THADA: variants seen among roughly 807,000 people sequenced by gnomAD.
THADA encodes tRNA (32-2'-O)-methyltransferase regulator THADA.
A neutral mutation model predicts 219.8 loss-of-function variants in THADA; 213 were observed. The observed-to-expected ratio is 0.97, with a 90% CI of 0.87 to 1.09. THADA has a LOEUF of 1.09. Ranked by LOEUF, THADA falls within the 50% of genes least tolerant of loss-of-function variation. THADA has a pLI of 0.00. For missense variants in THADA, 2,956 were observed against 2,311.3 expected, an observed-to-expected ratio of 1.28 and a Z score of -5.72; for synonymous variants, 1,018 against 828.9, an observed-to-expected ratio of 1.23 and a Z score of -3.92.
At position 43,581,787 on chromosome 2, in the gene THADA, T is replaced by G. The variant is rs1213012572; in HGVS notation, c.675A>C (p.Gln225His). 2 of 1,612,564 alleles carry G rather than the reference T, an allele frequency of 1.2e-6. No homozygotes were observed. Among genetic ancestry groups the G allele is most frequent in the Middle Eastern group, 1.7e-4 (1 of 6,058 alleles). The change falls in exon 8 of 38, where the codon CAA becomes CAC. Residue 225 changes from glutamine to histidine, a missense_variant. Gln to His is a conservative substitution (Grantham distance 24). Coordinates refer to ENST00000405975, the MANE Select transcript of THADA (RefSeq NM_022065.5). ...LWKTSDSPIW[Q>H]NMCGLLSIFT... The stretch of plus-strand genomic sequence containing the variant: ...AAATACTCAGCAATCCACACATATT[T>G]TGCCATATGGGAGAATCGGAAGTCT...
intron 26 of THADA, among the ~76,000 whole-genome samples, chr2:43,464,833 T>C (rs1476190937): frequency 6.6e-6 from 1 of 152,122 alleles, no homozygotes; most frequent in Non-Finnish European, 1.5e-5. Flanking sequence ...ATTTTCAAAC[T>C]AGAATATTTG....
intron 26 of THADA, among the ~76,000 whole-genome samples, chr2:43,465,123 A>G (rs1033404203): frequency 1.3e-5 from 2 of 152,162 alleles, no homozygotes; most frequent in Non-Finnish European, 2.9e-5. Flanking sequence ...TCTCTACACT[A>G]TGTAAAGCAA....
Position 43,590,807 on chromosome 2 carries a change from C to G in THADA, c.302+17G>C. 6.2e-7 allele frequency: 1 copy of G among 1,602,390 alleles called. No homozygotes were observed. Among genetic ancestry groups the G allele is most frequent in the Non-Finnish European group, 8.5e-7 (1 of 1,175,600 alleles). ...TCAACATTTATAACACCCAACTTCC[C>G]TTCCTTTTTTTCTTACCTTGCCAAT... On this transcript the variant is annotated intron_variant, in intron 4 of 37. Transcript: ENST00000405975.
intron 25 of THADA, among the ~76,000 whole-genome samples, chr2:43,489,895 G>T (rs201055545): frequency 1.0e-5 from 1 of 98,998 alleles, no homozygotes; most frequent in Non-Finnish European, 2.0e-5. Flanking sequence ...AAAAAAAAAA[G>T]CTAGAAGGGA....
At chr2:43,359,267 C>T (rs1011777894) in intron 29 of THADA, among the ~76,000 whole-genome samples, 1 of 152,196 alleles carries the variant, frequency 6.6e-6, no homozygotes, top group East Asian at 1.9e-4. Context: ...AATCTTGAGC[C>T]CCATTTCCTA....
intron 19 of THADA, among the ~76,000 whole-genome samples, chr2:43,551,284 T>C (rs1219512805): frequency 1.3e-5 from 2 of 152,214 alleles, no homozygotes. Flanking sequence ...GAACACTCAA[T>C]TTTAGCACAG....
intron 31 of THADA, among the ~76,000 whole-genome samples, chr2:43,306,525 C>G (rs750356661): frequency 6.6e-6 from 1 of 152,144 alleles, no homozygotes; most frequent in Non-Finnish European, 1.5e-5. Context: ...GTTGCCTCAC[C>G]TGTAGTAAGA....
At chr2:43,548,324 C>CTTGA (rs1696317538) in intron 20 of THADA, among the ~76,000 whole-genome samples, 1 of 152,220 alleles carries the variant, frequency 6.6e-6, no homozygotes, top group Non-Finnish European at 1.5e-5. Flanking sequence ...GGGTCAGGGA[C>CTTGA]CCACTTGAGG....
intron 26 of THADA, among the ~76,000 whole-genome samples, chr2:43,467,117 G>C (rs945049198): frequency 2.9e-5 from 4 of 137,584 alleles, no homozygotes; most frequent in African/African-American, 5.4e-5. Flanking sequence ...GGGAGGCGGA[G>C]CTTGCAGTGA....
At position 43,485,274 on chromosome 2, in the gene THADA, C is replaced by T. The variant is rs770126262; in HGVS notation, c.3796G>A (p.Gly1266Arg). ...LFSALITRIF[G>R]VKRAKDEHSK... ...TGTTCATCCTTTGCCCTTTTAACTC[C>T]AAAAATTCTTGTGATCAAGGCACTA... The change falls in exon 26 of 38, where the codon GGA becomes AGA. Residue 1266 changes from glycine to arginine, a missense_variant. Transcript: ENST00000405975. 6.2e-7 allele frequency: 1 copy of T among 1,613,034 alleles called. No individual in the cohort carries two copies. Among genetic ancestry groups the T allele is most frequent in the Non-Finnish European group, 8.5e-7 (1 of 1,179,398 alleles).
chr2:43,278,945 T>C (rs570402185), intron 36 of THADA, among the ~76,000 whole-genome samples: 1 of 152,290 alleles, frequency 6.6e-6, no homozygotes, highest in African/African-American at 2.4e-5. Flanking sequence ...TTGCTTCTCA[T>C]TGGGACCGCT....
rs759653562 is a variant in THADA, at chr2:43,320,449, G to A, written c.4435C>T (p.Pro1479Ser). The A allele has an allele frequency of 1.9e-6, 3 of 1,609,990 alleles. No individual in the cohort carries two copies. In the South Asian group the frequency reaches 3.3e-5, roughly 18 times the overall value. The change falls in exon 31 of 38, where the codon CCA becomes TCA. Residue 1479 changes from proline (P) to serine (S), a missense_variant. By Grantham distance (74) the Pro-to-Ser change is moderately conservative (BLOSUM62 -1). Coordinates refer to ENST00000405975, the MANE Select transcript of THADA (RefSeq NM_022065.5). ...ACAGTATAACTATGAATCATACCTG[G>A]CTGGTTGTCCTTTGCAGATCTGTTG... The part of the protein sequence containing the change: ...CLNRSAKDNQ[P>S]VLESLGFWEE...
At chr2:43,433,141 G>C (rs1679590234) in intron 26 of THADA, among the ~76,000 whole-genome samples, 1 of 151,986 alleles carries the variant, frequency 6.6e-6, no homozygotes, top group African/African-American at 2.4e-5. Flanking sequence ...TGTGTATAGT[G>C]TGAGATAGAG....
At chr2:43,359,028 T>C (rs1283187844) in intron 29 of THADA, among the ~76,000 whole-genome samples, 2 of 152,144 alleles carry the variant, frequency 1.3e-5, no homozygotes, top group Non-Finnish European at 2.9e-5. Context: ...CTAGTTTGTT[T>C]GTTCATTTGC....
chr2:43,569,259 G>A (rs539005597), intron 14 of THADA, among the ~76,000 whole-genome samples: 12 of 152,294 alleles, frequency 7.9e-5, no homozygotes, highest in African/African-American at 2.9e-4. Context: ...TTATAGGCAT[G>A]AGCCACCACT....
At chr2:43,255,467 G>A (rs1478968246) in intron 36 of THADA, among the ~76,000 whole-genome samples, 1 of 152,112 alleles carries the variant, frequency 6.6e-6, no homozygotes, top group Non-Finnish European at 1.5e-5. Flanking sequence ...GAATTTCCAC[G>A]GGTGTGGCTG....
At chr2:43,446,770 T>C (rs373645241) in intron 26 of THADA, among the ~76,000 whole-genome samples, 2 of 152,188 alleles carry the variant, frequency 1.3e-5, no homozygotes, top group East Asian at 1.9e-4. Context: ...TAATACTAAA[T>C]AGAAGAGATG....
rs755920626 is a variant in THADA, at chr2:43,400,522, G to A, written c.4059-2383C>T. Among the ~76,000 whole-genome samples, 23 of 141,852 alleles carry A rather than the reference G, an allele frequency of 1.6e-4. No homozygotes were observed. The South Asian group carries it at 4.3e-3, about 26-fold the overall frequency. The allele number at this position is 141,852 out of a possible 152,430, so 93.1% of individuals were successfully genotyped here. On this transcript the variant is annotated intron_variant, in intron 28 of 37. Transcript: ENST00000405975. The stretch of plus-strand genomic sequence containing the variant: ...AAAATTTCTAGGTTACTGTTTTGTC[G>A]CCTACTGGCGGCAGGGAGGGGGTCT...
intron 31 of THADA, among the ~76,000 whole-genome samples, chr2:43,310,037 A>G (rs1217118522): frequency 6.6e-6 from 1 of 152,226 alleles, no homozygotes; most frequent in Admixed American, 6.5e-5. Flanking sequence ...ACTGAAAACT[A>G]TAAAACACCC....
Sources: gnomAD v4.1 joint callset for allele counts (sites outside exome capture counted in the v4.1 genomes callset) on GRCh38, gnomAD v4.1.1 for gene constraint, MANE v1.5 for transcripts, NCBI Gene and HGNC (gene_info 2026-07-23, HGNC 2026-07-21) for gene names.